The following AGAP1 variants were observed in gnomAD, a reference collection of about 807,000 sequenced individuals.
AGAP1 encodes the protein ArfGAP with GTPase domain, ankyrin repeat and PH domain 1, also known as arf-GAP with GTPase, ANK repeat and PH domain-containing protein 1.
In AGAP1, 29 loss-of-function variants were observed where a neutral mutation model predicts 105.3. The ratio of observed to expected loss-of-function variants is 0.28; its 90% confidence interval spans 0.21 to 0.38. The LOEUF (loss-of-function observed/expected upper bound fraction) is 0.38, where lower values mean the gene tolerates loss of function less well. Ranked by LOEUF, AGAP1 falls within the 10% of genes least tolerant of loss-of-function variation. AGAP1 has a pLI of 1.00. For missense variants in AGAP1, 998 were observed against 1,165.1 expected, an observed-to-expected ratio of 0.86 and a Z score of 2.09; for synonymous variants, 509 against 485.9, an observed-to-expected ratio of 1.05 and a Z score of -0.63.
Position 236,082,165 on chromosome 2 carries a change from T to C in AGAP1, c.2114+32884T>C, listed in dbSNP as rs1292655324. Among the ~76,000 whole-genome samples the C allele has an allele frequency of 6.6e-6, 1 of 152,220 alleles. No homozygotes were observed. The highest frequency in any genetic ancestry group is 2.4e-5 in the African/African-American group (1 of 41,458). On this transcript the variant is annotated intron_variant, in intron 16 of 17. Transcript: ENST00000304032. This position sits in a 1 kb window ranked among gnomAD's most constrained non-coding sequence, Gnocchi z 4.2. ...TGTCCATTTCTGTAAGTTTTCCCTC[T>C]AGAACAAACCTATCATTTTTCACCA...
rs1185664759 is a variant in AGAP1, at chr2:235,887,597, C to T, written c.1155+4148C>T. ...GGGGCCCAGGTTCCAACACAAGAGCCCCCGGAGCAGGGGCCTGCATTGATC... is the reference window on the plus strand; with the variant it reads ...GGGGCCCAGGTTCCAACACAAGAGCTCCCGGAGCAGGGGCCTGCATTGATC... On this transcript the variant is annotated intron_variant, in intron 10 of 17. Transcript: ENST00000304032. The surrounding 1 kb of genome is among the most constrained non-coding windows in gnomAD (Gnocchi z 4.1). 1.3e-5 allele frequency among the ~76,000 whole-genome samples: 2 copies of T among 152,196 alleles called. No homozygotes were observed. Among genetic ancestry groups the T allele is most frequent in the African/African-American group, 4.8e-5 (2 of 41,448 alleles).
chr2:235,578,594 G>A lies in AGAP1; in HGVS notation c.163+83745G>A, dbSNP rs967935860. 2.0e-5 allele frequency among the ~76,000 whole-genome samples: 3 copies of A among 151,966 alleles called. No individual in the cohort carries two copies. The highest frequency in any genetic ancestry group is 4.4e-5 in the Non-Finnish European group (3 of 67,992). ...GGTCAGGAGTTTGAGACCAGCCTGG[G>A]CAACATGGTGAAACCTCGTCTCTAC... is the stretch of plus-strand genomic sequence containing the variant. On this transcript the variant is annotated intron_variant, in intron 1 of 17. Coordinates refer to ENST00000304032, the MANE Select transcript of AGAP1 (RefSeq NM_001037131.3). The surrounding 1 kb of genome is among the most constrained non-coding windows in gnomAD (Gnocchi z 4.9).
chr2:235,574,040 G>A lies in AGAP1; in HGVS notation c.163+79191G>A, dbSNP rs1695163731. 6.6e-6 allele frequency among the ~76,000 whole-genome samples: 1 copy of A among 152,228 alleles called. No homozygotes were observed. Among genetic ancestry groups the A allele is most frequent in the South Asian group, 2.1e-4 (1 of 4,834 alleles). On this transcript the variant is annotated intron_variant, in intron 1 of 17. Transcript: ENST00000304032. This position sits in a 1 kb window ranked among gnomAD's most constrained non-coding sequence, Gnocchi z 5.0. ...TGGCTTCACCAGACCCTGACTGTTA[G>A]CTGGTCAGGGAGGCAGGGCCTGGGT...
At chr2:235,860,884 A>C (rs888718510) in intron 9 of AGAP1, among the ~76,000 whole-genome samples, 4 of 152,202 alleles carry the variant, frequency 2.6e-5, no homozygotes, top group Non-Finnish European at 4.4e-5. Flanking sequence ...ATTATTTAAT[A>C]TTGTTGATGG....
At chr2:236,108,643 G>A (rs2059565212) in intron 16 of AGAP1, among the ~76,000 whole-genome samples, 1 of 152,154 alleles carries the variant, frequency 6.6e-6, no homozygotes, top group Non-Finnish European at 1.5e-5. Context: ...ATAAAAATGA[G>A]CACATTAGAC....
chr2:235,760,842 C>T (rs1954378289), intron 6 of AGAP1, among the ~76,000 whole-genome samples: 1 of 152,222 alleles, frequency 6.6e-6, no homozygotes, highest in African/African-American at 2.4e-5. Flanking sequence ...CCTGTCTCAG[C>T]CTTCCAAAGT....
In AGAP1 at chr2:235,558,721, G is replaced by A. The variant is rs191122921; in HGVS notation, c.163+63872G>A. Among the ~76,000 whole-genome samples, 827 of 152,262 alleles carry A rather than the reference G, an allele frequency of 5.4e-3. 7 individuals carry two copies. The highest frequency in any genetic ancestry group is 6.7e-3 in the Non-Finnish European group (457 of 68,036). On this transcript the variant is annotated intron_variant, in intron 1 of 17. Coordinates refer to ENST00000304032, the MANE Select transcript of AGAP1 (RefSeq NM_001037131.3). ...CCTCGAAATGTGCGATTAGAAAGAT[G>A]CACCCGCTTTCAGCCGCAGCAACTT...
rs1399113993 is a variant in AGAP1, at chr2:236,044,424, C to A, written c.1891+3583C>A. On this transcript the variant is annotated intron_variant, in intron 15 of 17. Transcript: ENST00000304032. The surrounding 1 kb of genome is among the most constrained non-coding windows in gnomAD (Gnocchi z 5.7). ...CCTGAGAGGCAGCTCACCGTTTCTG[C>A]TGCTTTCTCTCTGCCCATCCATGTC... Among the ~76,000 whole-genome samples the A allele has an allele frequency of 2.0e-5, 3 of 152,182 alleles. No homozygotes were observed. Among genetic ancestry groups the A allele is most frequent in the Non-Finnish European group, 4.4e-5 (3 of 68,032 alleles).
intron 1 of AGAP1, among the ~76,000 whole-genome samples, chr2:235,598,903 T>C (rs182806483): frequency 6.6e-6 from 1 of 152,300 alleles, no homozygotes; most frequent in African/African-American, 2.4e-5. Context: ...ATGAGTTCTT[T>C]ATTCACTCAT....
rs2052714087 is a variant in AGAP1 at position 235,931,397 on chromosome 2, T to C, written c.1483+474T>C. Among the ~76,000 whole-genome samples the C allele has an allele frequency of 6.6e-6, 1 of 152,098 alleles. No homozygotes were observed. The highest frequency in any genetic ancestry group is 1.5e-5 in the Non-Finnish European group (1 of 68,014). ...CTGGTGTACCCTCTAAATTCTGGAG[T>C]CCCCTTTGTAATCCTTCAGTTTTCA... On this transcript the variant is annotated intron_variant, in intron 12 of 17. Coordinates refer to ENST00000304032, the MANE Select transcript of AGAP1 (RefSeq NM_001037131.3). This position sits in a 1 kb window ranked among gnomAD's most constrained non-coding sequence, Gnocchi z 5.6.
chr2:236,041,180 A>G (rs781039931), intron 15 of AGAP1, among the ~76,000 whole-genome samples: 1 of 152,140 alleles, frequency 6.6e-6, no homozygotes, highest in Non-Finnish European at 1.5e-5. Flanking sequence ...TGGGCAACAC[A>G]GGGAGAACCC....
In AGAP1 at chr2:236,089,438, C is replaced by T. The variant is rs1576278406; in HGVS notation, c.2115-30754C>T. Among the ~76,000 whole-genome samples, 1 of 152,186 alleles carries T rather than the reference C, an allele frequency of 6.6e-6. No homozygotes were observed. The highest frequency in any genetic ancestry group is 2.4e-5 in the African/African-American group (1 of 41,448). The stretch of plus-strand genomic sequence containing the variant: ...AATGAACTGCATGCTGGAGATAAAG[C>T]GCCTACTAGGCTGCCGGGTACTGGC... On this transcript the variant is annotated intron_variant, in intron 16 of 17. Coordinates refer to ENST00000304032, the MANE Select transcript of AGAP1 (RefSeq NM_001037131.3). The surrounding 1 kb of genome is among the most constrained non-coding windows in gnomAD (Gnocchi z 5.6).
chr2:235,606,676 G>T (rs1945948787), intron 1 of AGAP1, among the ~76,000 whole-genome samples: 1 of 152,082 alleles, frequency 6.6e-6, no homozygotes, highest in African/African-American at 2.4e-5. Flanking sequence ...CTTTTGGCTT[G>T]GTGGCTCACG....
chr2:235,827,996 TGTGG>T (rs1959164948), intron 9 of AGAP1, among the ~76,000 whole-genome samples: 1 of 152,200 alleles, frequency 6.6e-6, no homozygotes, highest in Non-Finnish European at 1.5e-5. Context: ...GCCCAGCCAC[TGTGG>T]GTCCTGACGG....
rs900848527 is a variant in AGAP1 at position 235,712,032 on chromosome 2, C to CT, written c.222+2805dup. Among the ~76,000 whole-genome samples the CT allele has an allele frequency of 0.011, 1,578 of 149,194 alleles. 30 individuals carry two copies. The highest frequency in any genetic ancestry group is 0.036 in the African/African-American group (1,473 of 40,786). On this transcript the variant is annotated intron_variant, in intron 2 of 17. Transcript: ENST00000304032. The surrounding 1 kb of genome is among the most constrained non-coding windows in gnomAD (Gnocchi z 6.0). ...GCCTTATGTTTTATTTTCTTTCTTT[C>CT]TTTTTTTTTTGTTACGGGGTCTCAC... is the stretch of plus-strand genomic sequence containing the variant.
chr2:235,689,650 A>C lies in AGAP1; in HGVS notation c.164-19529A>C, dbSNP rs1001372932. Among the ~76,000 whole-genome samples the C allele has an allele frequency of 7.2e-5, 11 of 152,222 alleles. No individual in the cohort carries two copies. Among genetic ancestry groups the C allele is most frequent in the Non-Finnish European group, 1.2e-4 (8 of 68,030 alleles). On this transcript the variant is annotated intron_variant, in intron 1 of 17. Coordinates refer to ENST00000304032, the MANE Select transcript of AGAP1 (RefSeq NM_001037131.3). The surrounding 1 kb of genome is among the most constrained non-coding windows in gnomAD (Gnocchi z 4.2). ...CAGGTCACCATAGGGACCTCCCCTA[A>C]CCTCAAATCTGTGTAATGAAGTATC...
intron 11 of AGAP1, among the ~76,000 whole-genome samples, chr2:235,914,612 T>C (rs1395138182): frequency 6.6e-6 from 1 of 152,124 alleles, no homozygotes; most frequent in East Asian, 1.9e-4. Flanking sequence ...TTCATGTCAG[T>C]TTTTGCCATG....
At chr2:235,932,144 A>G (rs956053691) in intron 12 of AGAP1, among the ~76,000 whole-genome samples, 1 of 152,172 alleles carries the variant, frequency 6.6e-6, no homozygotes, top group Non-Finnish European at 1.5e-5. Flanking sequence ...TCTCTTTGTA[A>G]CCACTGCATG....
At chr2:236,041,932 ACTG>A (rs2057560909) in intron 15 of AGAP1, among the ~76,000 whole-genome samples, 1 of 152,138 alleles carries the variant, frequency 6.6e-6, no homozygotes, top group Non-Finnish European at 1.5e-5. Flanking sequence ...CGAAGGAATC[ACTG>A]TGAGCAAAGG....
Sources: gnomAD v4.1 joint callset for allele counts (sites outside exome capture counted in the v4.1 genomes callset) on GRCh38, gnomAD v4.1.1 for gene constraint, Gnocchi (gnomAD v3.1) non-coding constraint, MANE v1.5 for transcripts, NCBI Gene and HGNC (gene_info 2026-07-23, HGNC 2026-07-21) for gene names.